The following AFAP1L2 variants were observed in gnomAD, a reference collection of about 807,000 sequenced individuals.
AFAP1L2 encodes the protein actin filament-associated protein 1-like 2.
In AFAP1L2, 46 loss-of-function variants were observed where a neutral mutation model predicts 99.3. The ratio of observed to expected loss-of-function variants is 0.46; its 90% CI spans 0.37 to 0.59. AFAP1L2 has a LOEUF of 0.59. AFAP1L2 is among the 20% of genes least tolerant of loss of function. The pLI, the probability that AFAP1L2 is intolerant of heterozygous loss-of-function variation, is 0.00. For synonymous variants in AFAP1L2, 397 were observed against 419.1 expected (o/e 0.95, Z 0.64); for missense variants, 959 against 1,034.9 (o/e 0.93, Z 1.01).
the AFAP1L2 span, among the ~76,000 whole-genome samples, chr10:114,285,279 G>T: frequency 1.2e-4 from 19 of 152,322 alleles, no homozygotes; most frequent in African/African-American, 4.3e-4. Flanking sequence ...CTGGCTCCCA[G>T]TCCTGGGCAG....
intron 1 of AFAP1L2, among the ~76,000 whole-genome samples, chr10:114,364,492 C>G (rs2052916057): frequency 6.6e-6 from 1 of 152,118 alleles, no homozygotes; most frequent in African/African-American, 2.4e-5. Flanking sequence ...CCTCCCATCT[C>G]TGCCTCTGTT....
intron 1 of AFAP1L2, among the ~76,000 whole-genome samples, chr10:114,381,109 TAA>T (rs2055555164): frequency 6.6e-6 from 1 of 152,184 alleles, no homozygotes; most frequent in Non-Finnish European, 1.5e-5. Context: ...TCATAATAGC[TAA>T]AAAGTGGAAA....
intron 2 of AFAP1L2, among the ~76,000 whole-genome samples, chr10:114,333,583 C>T (rs756540738): frequency 1.3e-5 from 2 of 152,046 alleles, no homozygotes; most frequent in Non-Finnish European, 2.9e-5. Flanking sequence ...TTTGGGAGGC[C>T]GAGGCAGGCG....
intron 5 of AFAP1L2, 86 bp from the exon 6 acceptor site, chr10:114,315,851 G>GC: frequency 7.5e-7 from 1 of 1,326,102 alleles, no homozygotes; most frequent in Non-Finnish European, 1.0e-6. Context: ...GCAGGCAGGA[G>GC]CAGCAGCAGC....
chr10:114,287,377 T>C, the AFAP1L2 span, among the ~76,000 whole-genome samples: 1 of 152,168 alleles, frequency 6.6e-6, no homozygotes, highest in African/African-American at 2.4e-5. Flanking sequence ...GATGTGGTCT[T>C]GCTATGTTGC....
chr10:114,393,216 T>C (rs1203628648), intron 1 of AFAP1L2, among the ~76,000 whole-genome samples: 2 of 152,136 alleles, frequency 1.3e-5, no homozygotes, highest in African/African-American at 4.8e-5. Context: ...GGGAGGTAAC[T>C]AAGTGCCCCA....
Position 114,331,855 on chromosome 10 carries a change from T to C in AFAP1L2, c.263A>G (p.Gln88Arg). The change falls in exon 4 of 19, where the codon CAG becomes CGG. Residue 88 changes from glutamine to arginine, a missense_variant. By Grantham distance (43) the Gln-to-Arg change is conservative. Coordinates refer to ENST00000304129, the MANE Select transcript of AFAP1L2 (RefSeq NM_001001936.3). Reference protein sequence around the residue: ...QGLLPNGEPSQHSSAPQKSLP... With the variant: ...QGLLPNGEPSRHSSAPQKSLP... ...GCTCTTCTGAGGGGCCGAGGAGTGCTGGCTGGGCTCCCCATTGGGTAGCAG... is the reference window on the plus strand; with the variant it reads ...GCTCTTCTGAGGGGCCGAGGAGTGCCGGCTGGGCTCCCCATTGGGTAGCAG... 1 of 1,384,094 alleles carries C rather than the reference T, an allele frequency of 7.2e-7. No individual in the cohort carries two copies. Among genetic ancestry groups the C allele is most frequent in the South Asian group, 1.8e-5 (1 of 56,014 alleles). The allele number at this position is 1,384,094 out of a possible 1,614,324, so 85.7% of individuals were successfully genotyped here.
At chr10:114,323,385 A>G in intron 4 of AFAP1L2, 124 bp from the exon 5 acceptor site, 1 of 759,224 alleles carries the variant, frequency 1.3e-6, no homozygotes, top group South Asian at 1.7e-5. Context: ...ACTTTAAGCA[A>G]GTTGGGAGGG....
At chr10:114,318,765 C>T (rs1436406640) in intron 5 of AFAP1L2, among the ~76,000 whole-genome samples, 1 of 40,016 alleles carries the variant, frequency 2.5e-5, no homozygotes, top group African/African-American at 5.5e-5. Flanking sequence ...AAAAGAACAA[C>T]AAATCATACT....
At chr10:114,370,412 C>A (rs1288120869) in intron 1 of AFAP1L2, among the ~76,000 whole-genome samples, 1 of 152,194 alleles carries the variant, frequency 6.6e-6, no homozygotes, top group African/African-American at 2.4e-5. Context: ...TGTTCCAGCA[C>A]TTCCACCCTC....
At chr10:114,323,327 C>T in intron 4 of AFAP1L2, 66 bp from the exon 5 acceptor site, 1 of 1,416,698 alleles carries the variant, frequency 7.1e-7, no homozygotes, top group Non-Finnish European at 9.7e-7. Context: ...TTGGAAATAA[C>T]TCTTCGGGTG....
At position 114,314,023 on chromosome 10, in the gene AFAP1L2, G is replaced by GGCT. The variant is rs1564837055; in HGVS notation, c.637_639dup (p.Ser213dup). ...CCCAGTAGGTTCACGTCCAGCTGAG[G>GGCT]GCTGTGGTCCTTGGAGGATTTGTAG... On this transcript the variant is annotated inframe_insertion, in exon 7 of 19. Transcript: ENST00000304129. 1 of 1,613,216 alleles carries GGCT rather than the reference G, an allele frequency of 6.2e-7. No homozygotes were observed. The highest frequency in any genetic ancestry group is 1.7e-5 in the Admixed American group (1 of 59,978).
intron 1 of AFAP1L2, among the ~76,000 whole-genome samples, chr10:114,368,639 TTCTGAACTCAA>T (rs888831204): frequency 3.5e-4 from 53 of 152,076 alleles, no homozygotes; most frequent in African/African-American, 1.2e-3. Context: ...GGTCTTAAAC[TTCTGAACTCAA>T]GCAATCCACC....
rs551950197 is a variant in AFAP1L2 at position 114,374,249 on chromosome 10, C to T, written c.16+30191G>A. ...CCCAGCTAAAATTACAGATTTGAAA[C>T]GCCTGCACATTATCATTGGATTTTT... is the stretch of plus-strand genomic sequence containing the variant. On this transcript the variant is annotated intron_variant, in intron 1 of 18. Transcript: ENST00000304129. Among the ~76,000 whole-genome samples the T allele has an allele frequency of 8.5e-5, 13 of 152,268 alleles. 1 individual carries two copies. The highest frequency in any genetic ancestry group is 2.1e-4 in the South Asian group (1 of 4,818).
the AFAP1L2 span, among the ~76,000 whole-genome samples, chr10:114,283,897 A>G: frequency 1.3e-5 from 2 of 152,230 alleles, no homozygotes. Flanking sequence ...TTTAATTACA[A>G]TGATGTGGCC....
chr10:114,362,907 G>A (rs549167360), intron 1 of AFAP1L2: 2 of 958,496 alleles, frequency 2.1e-6, no homozygotes, highest in South Asian at 4.8e-5. Flanking sequence ...CTGAAACAAG[G>A]CCCTCCATCT....
chr10:114,300,557 G>A lies in AFAP1L2; in HGVS notation c.1676C>T (p.Ser559Phe). Residue 559 changes from serine to phenylalanine, a missense_variant, in exon 14 of 19, where the codon TCC becomes TTC. Transcript: ENST00000304129. ...ATTGTCCAGGCAGGACAACGTCGGG[G>A]AGGAGGCCTGGGCCTGTGCACTGCT... ...GPSSAQAQAS[S>F]PTLSCLDNAT... 6.2e-7 allele frequency: 1 copy of A among 1,614,184 alleles called. No individual in the cohort carries two copies. Among genetic ancestry groups the A allele is most frequent in the South Asian group, 1.1e-5 (1 of 91,080 alleles).
chr10:114,376,275 C>T (rs999035023), intron 1 of AFAP1L2, among the ~76,000 whole-genome samples: 1 of 152,148 alleles, frequency 6.6e-6, no homozygotes, highest in African/African-American at 2.4e-5. Flanking sequence ...TTAACTATGA[C>T]CAGACCTTGT....
chr10:114,289,308 T>G, the AFAP1L2 span: 2 of 1,614,112 alleles, frequency 1.2e-6, no homozygotes, highest in South Asian at 1.1e-5. Flanking sequence ...GCGCAGAGGA[T>G]GCAGCCGTTC....
Sources: allele counts gnomAD v4.1 joint callset (sites outside exome capture counted in the v4.1 genomes callset), GRCh38; gene constraint gnomAD v4.1.1; transcripts MANE v1.5; gene names NCBI Gene and HGNC (gene_info 2026-07-23, HGNC 2026-07-21).